The following CHD2 variants were observed in gnomAD, a reference collection of about 807,000 sequenced individuals.
CHD2 encodes ATP-dependent chromatin remodeler CHD2.
CHD2 carries 28 observed loss-of-function variants against 243.9 expected under a neutral mutation model. That is an observed-to-expected ratio of 0.11 (90% CI 0.09 to 0.16). The LOEUF is 0.16. Ranked by LOEUF, CHD2 falls within the 10% of genes least tolerant of loss-of-function variation. The probability of loss-of-function intolerance (pLI) is 1.00; values close to 1 mark genes in which losing one functional copy is unlikely to be tolerated. For missense variants in CHD2, 1,386 were observed against 2,209.8 expected, an observed-to-expected ratio of 0.63 and a Z score of 7.47; for synonymous variants, 775 against 779.0, an observed-to-expected ratio of 0.99 and a Z score of 0.09.
intron 2 of CHD2, among the ~76,000 whole-genome samples, chr15:92,905,357 G>A (rs1025779792): frequency 2.0e-5 from 3 of 152,106 alleles, no homozygotes; most frequent in Non-Finnish European, 4.4e-5. Context: ...AAACTTCATC[G>A]TTCAGCAACG....
At chr15:92,924,682 A>G in intron 3 of CHD2, 130 bp downstream of exon 3, 7 of 709,262 alleles carry the variant, frequency 9.9e-6, no homozygotes, top group Non-Finnish European at 1.7e-5. Flanking sequence ...AGTAATATAC[A>G]GTAGTATATC....
At chr15:92,984,201 C>T in intron 24 of CHD2, 129 bp from the exon 25 acceptor site, 3 of 644,026 alleles carry the variant, frequency 4.7e-6, no homozygotes, top group Non-Finnish European at 6.8e-6. Flanking sequence ...AATTGATTAT[C>T]TGATTATGTA....
chr15:92,951,336 A>G (rs1279941262), intron 13 of CHD2, among the ~76,000 whole-genome samples: 2 of 151,918 alleles, frequency 1.3e-5, no homozygotes, highest in African/African-American at 4.8e-5. Context: ...ATGCCTGGCT[A>G]ATTTTTGTAT....
At chr15:92,992,560 C>G (rs114897752) in intron 27 of CHD2, among the ~76,000 whole-genome samples, 1 of 152,200 alleles carries the variant, frequency 6.6e-6, no homozygotes, top group Non-Finnish European at 1.5e-5. Context: ...CCTGCTGCCA[C>G]TAACAGCCTA....
Position 92,998,424 on chromosome 15 carries a change from G to A in CHD2, c.3886-75G>A, listed in dbSNP as rs1388208618. 1.9e-6 allele frequency: 3 copies of A among 1,579,024 alleles called. No homozygotes were observed. The highest frequency in any genetic ancestry group is 4.5e-5 in the East Asian group (2 of 44,144). On this transcript the variant is annotated intron_variant, in intron 30 of 38. Transcript: ENST00000394196. The surrounding 1 kb of genome is among the most constrained non-coding windows in gnomAD (Gnocchi z 5.1). ...AGGGAAAGGACTGTGCTCAGTTTTT[G>A]TTGTCTCTGTTTATCCTGATCCACT... is the stretch of plus-strand genomic sequence containing the variant.
intron 2 of CHD2, among the ~76,000 whole-genome samples, chr15:92,912,396 G>A (rs370384187): frequency 1.3e-4 from 20 of 152,162 alleles, no homozygotes; most frequent in African/African-American, 4.3e-4. Context: ...TCGCTCTGTC[G>A]CCTGGGCTGG....
At chr15:92,976,217 C>T (rs2053906158) in intron 20 of CHD2, among the ~76,000 whole-genome samples, 1 of 152,102 alleles carries the variant, frequency 6.6e-6, no homozygotes, top group South Asian at 2.1e-4. Context: ...TTTTGCATAG[C>T]TCTCAGTTGA....
chr15:92,990,248 G>T (rs1371087891), intron 26 of CHD2, among the ~76,000 whole-genome samples: 1 of 152,150 alleles, frequency 6.6e-6, no homozygotes, highest in East Asian at 1.9e-4. Flanking sequence ...CTGTGCTGCT[G>T]GTTACACAGC....
chr15:92,956,726 C>G, intron 16 of CHD2, 77 bp downstream of exon 16: 1 of 1,368,798 alleles, frequency 7.3e-7, no homozygotes, highest in East Asian at 2.4e-5. Context: ...CTTAGTAGAC[C>G]TTAGGGAAAA....
At chr15:92,960,929 G>A (rs1015467310) in intron 16 of CHD2, among the ~76,000 whole-genome samples, 1 of 151,868 alleles carries the variant, frequency 6.6e-6, no homozygotes, top group Non-Finnish European at 1.5e-5. Flanking sequence ...TGTCAGCCAG[G>A]TTGGTCTCGA....
Position 92,961,129 on chromosome 15 carries a change from G to A in CHD2, c.2000+4480G>A, listed in dbSNP as rs141504263. Among the ~76,000 whole-genome samples, 14 of 152,182 alleles carry A rather than the reference G, an allele frequency of 9.2e-5. No homozygotes were observed. In the South Asian group the frequency reaches 2.3e-3, roughly 25 times the overall value. On this transcript the variant is annotated intron_variant, in intron 16 of 38. Coordinates refer to ENST00000394196, the MANE Select transcript of CHD2 (RefSeq NM_001271.4). ...GGGATCATAAAATGAATTGGAGAGC[G>A]TTTCCCTTCTGTTTTCTGAAGGAGT...
Position 92,975,022 on chromosome 15 carries a change from T to A in CHD2, c.2577+72T>A, listed in dbSNP as rs1596423488. The A allele has an allele frequency of 2.4e-6, 3 of 1,240,696 alleles. No individual in the cohort carries two copies. In the East Asian group the frequency reaches 7.1e-5, roughly 29 times the overall value. The allele number at this position is 1,240,696 out of a possible 1,614,324, so 76.9% of individuals were successfully genotyped here. On this transcript the variant is annotated intron_variant, in intron 20 of 38. Coordinates refer to ENST00000394196, the MANE Select transcript of CHD2 (RefSeq NM_001271.4). ...CAAGGGGAAAGTCTCTCTCGCTTAATGTATTCTGTTTCAGAAACAATTTAT... is the reference window on the plus strand; with the variant it reads ...CAAGGGGAAAGTCTCTCTCGCTTAAAGTATTCTGTTTCAGAAACAATTTAT...
chr15:92,911,019 GGT>G (rs1221983240), intron 2 of CHD2, among the ~76,000 whole-genome samples: 2 of 152,094 alleles, frequency 1.3e-5, no homozygotes, highest in Non-Finnish European at 2.9e-5. Context: ...AAACAGAAAA[GGT>G]ACAGTTAAAA....
At chr15:92,979,730 T>C (rs937500480) in intron 22 of CHD2, among the ~76,000 whole-genome samples, 2 of 151,932 alleles carry the variant, frequency 1.3e-5, no homozygotes, top group East Asian at 3.9e-4. Context: ...TTTAATTGGC[T>C]TTGGGAAGAG....
chr15:92,906,759 A>G (rs1332131289), intron 2 of CHD2, among the ~76,000 whole-genome samples: 1 of 145,842 alleles, frequency 6.9e-6, no homozygotes, highest in Non-Finnish European at 1.5e-5. Flanking sequence ...CTTTCTTGAT[A>G]TGGTGTCACT....
chr15:92,984,345 A>G lies in CHD2; in HGVS notation c.3082A>G (p.Thr1028Ala). ...CTGTTTTAAGGTTGCCAACTTTGCA[A>G]CAATGGAAGATGAAGAAGAGCTAGA... is the stretch of plus-strand genomic sequence containing the variant. ...LSQFKVANFA[T>A]MEDEEELEER... Residue 1028 changes from threonine to alanine, a missense_variant, in exon 25 of 39, where the codon ACA becomes GCA. Thr to Ala is a moderately conservative substitution (Grantham distance 58). This residue lies in a region of CHD2 where 99 missense variants were observed against 206.4 expected (regional missense o/e 0.48). Transcript: ENST00000394196. 6.3e-7 allele frequency: 1 copy of G among 1,583,368 alleles called. No individual in the cohort carries two copies. Among genetic ancestry groups the G allele is most frequent in the Non-Finnish European group, 8.6e-7 (1 of 1,165,754 alleles).
At chr15:92,986,480 T>C (rs2054044384) in intron 26 of CHD2, among the ~76,000 whole-genome samples, 1 of 152,058 alleles carries the variant, frequency 6.6e-6, no homozygotes, top group Admixed American at 6.5e-5. Context: ...TATGGAAAAA[T>C]AGAAATATTT....
At chr15:93,015,647 C>T (rs977820841) in intron 37 of CHD2, among the ~76,000 whole-genome samples, 1 of 150,976 alleles carries the variant, frequency 6.6e-6, no homozygotes, top group Non-Finnish European at 1.5e-5. Context: ...GTAAGGAACT[C>T]AGCTCCTTAT....
intron 17 of CHD2, among the ~76,000 whole-genome samples, chr15:92,968,689 T>A (rs1404777108): frequency 6.6e-6 from 1 of 152,242 alleles, no homozygotes; most frequent in Non-Finnish European, 1.5e-5. Context: ...GATTCTTTTT[T>A]ACTTTTGCCA....
Sources: allele counts gnomAD v4.1 joint callset (sites outside exome capture counted in the v4.1 genomes callset), GRCh38; gene constraint gnomAD v4.1.1; regional missense constraint gnomAD v4.1.1; non-coding constraint Gnocchi (gnomAD v3.1); transcripts MANE v1.5; gene names NCBI Gene and HGNC (gene_info 2026-07-23, HGNC 2026-07-21).